Variants in AK8 observed in about 807,000 individuals in gnomAD.
The protein encoded by AK8 is ATP-AMP transphosphorylase 8.
In AK8, 44 loss-of-function variants were observed where a neutral mutation model predicts 54.6. The observed-to-expected ratio is 0.81, with a 90% CI of 0.63 to 1.04. The LOEUF is 1.04. Among genes scored for constraint, AK8 ranks in the 50% least tolerant of loss-of-function variants. The pLI, the probability that AK8 is intolerant of heterozygous loss-of-function variation, is 0.00. For synonymous variants in AK8, 239 were observed against 245.6 expected, an observed-to-expected ratio of 0.97 and a Z score of 0.25; for missense variants, 555 against 613.6, an observed-to-expected ratio of 0.90 and a Z score of 1.01.
At chr9:132,849,326 T>G (rs1842879435) in intron 5 of AK8, among the ~76,000 whole-genome samples, 1 of 152,232 alleles carries the variant, frequency 6.6e-6, no homozygotes, top group East Asian at 1.9e-4. Flanking sequence ...AAATCTGGCC[T>G]GCTGCCTGCT....
intron 11 of AK8, among the ~76,000 whole-genome samples, chr9:132,740,062 C>T (rs564185351): frequency 7.9e-5 from 12 of 152,330 alleles, no homozygotes; most frequent in African/African-American, 2.2e-4. Context: ...GCCAACATGG[C>T]GTCCTTAAAT....
At chr9:132,861,168 T>A (rs754027326) in intron 4 of AK8, among the ~76,000 whole-genome samples, 1 of 152,192 alleles carries the variant, frequency 6.6e-6, no homozygotes, top group Non-Finnish European at 1.5e-5. Flanking sequence ...TGGGGCACCA[T>A]CCCCGTGGGC....
At chr9:132,731,307 T>C (rs1227426840) in intron 11 of AK8, among the ~76,000 whole-genome samples, 1 of 152,216 alleles carries the variant, frequency 6.6e-6, no homozygotes. Flanking sequence ...ATAGGTGGAC[T>C]TGTGGACTTA....
intron 10 of AK8, among the ~76,000 whole-genome samples, chr9:132,806,085 A>C (rs572320024): frequency 1.4e-5 from 2 of 142,342 alleles, no homozygotes; most frequent in South Asian, 2.4e-4. Flanking sequence ...TAATGTGTTT[A>C]TTACTTACTG....
chr9:132,817,166 G>A (rs931022688), intron 9 of AK8, among the ~76,000 whole-genome samples: 1 of 152,118 alleles, frequency 6.6e-6, no homozygotes, highest in Non-Finnish European at 1.5e-5. Flanking sequence ...TAGCTGCAGG[G>A]ATACTCTAGC....
At chr9:132,844,311 A>AAG (rs904158573) in intron 5 of AK8, among the ~76,000 whole-genome samples, 13 of 151,296 alleles carry the variant, frequency 8.6e-5, no homozygotes, top group African/African-American at 2.9e-4. Flanking sequence ...AAAAAAAAAA[A>AAG]AAAAAGAAAA....
At chr9:132,815,457 G>A (rs970870378) in intron 9 of AK8, among the ~76,000 whole-genome samples, 8 of 152,176 alleles carry the variant, frequency 5.3e-5, no homozygotes, top group Non-Finnish European at 4.4e-5. Flanking sequence ...GGAGGCTGAG[G>A]CAGGAGAATC....
Position 132,738,173 on chromosome 9 carries a change from C to T in AK8, c.1122-10639G>A, listed in dbSNP as rs540425785. Among the ~76,000 whole-genome samples, 10 of 152,230 alleles carry T rather than the reference C, an allele frequency of 6.6e-5. No homozygotes were observed. The South Asian group carries it at 2.1e-3, about 32-fold the overall frequency. ...GGTTCAAGTGATTCTCCTGCCTCAG[C>T]CTCCCGAGTAGCTGTGACTACAGGC... On this transcript the variant is annotated intron_variant, in intron 11 of 12. Transcript: ENST00000298545.
chr9:132,752,830 C>T (rs1009334955), intron 11 of AK8, among the ~76,000 whole-genome samples: 1 of 152,036 alleles, frequency 6.6e-6, no homozygotes, highest in African/African-American at 2.4e-5. Context: ...CCTTCCCCCA[C>T]CAGCGCATCC....
At chr9:132,821,067 G>T (rs1250861817) in intron 9 of AK8, among the ~76,000 whole-genome samples, 2 of 151,430 alleles carry the variant, frequency 1.3e-5, no homozygotes, top group African/African-American at 2.4e-5. Flanking sequence ...TTCATTTTTG[G>T]AAAAATCTAG....
chr9:132,742,013 C>T (rs934287028), intron 11 of AK8, among the ~76,000 whole-genome samples: 4 of 152,104 alleles, frequency 2.6e-5, no homozygotes, highest in Admixed American at 1.3e-4. Flanking sequence ...TCCACGAGGG[C>T]CAATGTGCCA....
intron 11 of AK8, 33 bp downstream of exon 11, chr9:132,792,601 G>A: frequency 1.3e-6 from 2 of 1,542,422 alleles, no homozygotes; most frequent in Non-Finnish European, 1.8e-6. Flanking sequence ...CAGGGGCTTG[G>A]CCAGGGCTGC....
chr9:132,847,278 G>GT (rs1240912081), intron 5 of AK8, among the ~76,000 whole-genome samples: 8 of 152,352 alleles, frequency 5.3e-5, no homozygotes, highest in African/African-American at 1.7e-4. Context: ...CAGGCGTGGG[G>GT]AAGTCCTGCT....
chr9:132,859,147 C>A (rs1843288243), intron 4 of AK8, among the ~76,000 whole-genome samples: 1 of 152,152 alleles, frequency 6.6e-6, no homozygotes, highest in African/African-American at 2.4e-5. Flanking sequence ...GAGGGAGACA[C>A]CAGGCAGGAC....
At chr9:132,816,672 A>C (rs1437483986) in intron 9 of AK8, among the ~76,000 whole-genome samples, 1 of 152,196 alleles carries the variant, frequency 6.6e-6, no homozygotes, top group African/African-American at 2.4e-5. Flanking sequence ...AAACTGAACA[A>C]AATCTATGAA....
intron 11 of AK8, among the ~76,000 whole-genome samples, chr9:132,764,033 C>G (rs79184365): frequency 0.021 from 3,145 of 152,298 alleles, 114 homozygotes; most frequent in African/African-American, 0.072. Flanking sequence ...GGAGCAATGG[C>G]TCATGCCTGC....
intron 11 of AK8, among the ~76,000 whole-genome samples, chr9:132,788,152 G>A (rs931867557): frequency 3.9e-5 from 6 of 151,906 alleles, no homozygotes; most frequent in African/African-American, 1.5e-4. Flanking sequence ...AAGAAAACTA[G>A]ACAAGTGAAA....
intron 5 of AK8, among the ~76,000 whole-genome samples, chr9:132,834,924 C>G (rs1459082883): frequency 1.3e-5 from 2 of 150,934 alleles, no homozygotes; most frequent in Admixed American, 1.3e-4. Context: ...TGCTGGAGTG[C>G]AACGGCATGA....
At chr9:132,833,821 C>T (rs1357193572) in intron 5 of AK8, among the ~76,000 whole-genome samples, 1 of 152,288 alleles carries the variant, frequency 6.6e-6, no homozygotes, top group Non-Finnish European at 1.5e-5. Flanking sequence ...TTTGTGCGAA[C>T]ACTGGCCTCT....
Sources: allele counts gnomAD v4.1 joint callset (sites outside exome capture counted in the v4.1 genomes callset), GRCh38; gene constraint gnomAD v4.1.1; transcripts MANE v1.5; gene names NCBI Gene and HGNC (gene_info 2026-07-23, HGNC 2026-07-21).